Variants in EVC2 observed in about 807,000 individuals in gnomAD.
EVC2 encodes EvC ciliary complex subunit 2.
Under a neutral mutation model 149.3 loss-of-function variants are expected in EVC2, and 148 were observed. That is an observed-to-expected ratio of 0.99 (90% CI 0.87 to 1.14). EVC2 has a LOEUF of 1.14. EVC2 is among the 50% of genes most tolerant of loss of function. The pLI, the probability that EVC2 is intolerant of heterozygous loss-of-function variation, is 0.00. For synonymous variants in EVC2, 776 were observed against 649.9 expected, an observed-to-expected ratio of 1.19 and a Z score of -2.95; for missense variants, 1,854 against 1,627.3, an observed-to-expected ratio of 1.14 and a Z score of -2.40.
chr4:5,607,087 T>C (rs975354960), intron 16 of EVC2, among the ~76,000 whole-genome samples: 2 of 152,142 alleles, frequency 1.3e-5, no homozygotes, highest in Non-Finnish European at 2.9e-5. Flanking sequence ...CAAACCTATA[T>C]TGTGTCTGGG....
chr4:5,627,977 T>C (rs1224586777), intron 12 of EVC2, among the ~76,000 whole-genome samples: 5 of 152,058 alleles, frequency 3.3e-5, no homozygotes, highest in African/African-American at 9.7e-5. Flanking sequence ...TGGCCATGAG[T>C]GGGGCTCATT....
At chr4:5,595,106 C>T (rs924961756) in intron 16 of EVC2, among the ~76,000 whole-genome samples, 31 of 152,266 alleles carry the variant, frequency 2.0e-4, no homozygotes, top group Admixed American at 1.1e-3. Flanking sequence ...TGTACGTGAA[C>T]ATGACGGGGA....
chr4:5,707,095 AG>A (rs1192140492), intron 1 of EVC2, among the ~76,000 whole-genome samples: 4 of 152,094 alleles, frequency 2.6e-5, no homozygotes, highest in African/African-American at 9.7e-5. Flanking sequence ...CTCGGGGGCC[AG>A]AGAGAGAGTA....
At chr4:5,534,752 G>C in the EVC2 span, among the ~76,000 whole-genome samples, 3 of 146,108 alleles carry the variant, frequency 2.1e-5, no homozygotes, top group South Asian at 2.2e-4. Flanking sequence ...CGGTGGAAGA[G>C]TTCTGATACC....
At chr4:5,537,753 G>T in the EVC2 span, among the ~76,000 whole-genome samples, 2 of 152,072 alleles carry the variant, frequency 1.3e-5, no homozygotes. Flanking sequence ...ACTCAGTCCG[G>T]AACTGACATT....
At chr4:5,660,784 G>C (rs894044352) in intron 9 of EVC2, among the ~76,000 whole-genome samples, 1 of 152,162 alleles carries the variant, frequency 6.6e-6, no homozygotes, top group Non-Finnish European at 1.5e-5. Flanking sequence ...TAGGCTCAGA[G>C]AATGTCTGTA....
intron 21 of EVC2, among the ~76,000 whole-genome samples, chr4:5,551,349 T>C (rs577968211): frequency 2.0e-5 from 3 of 152,316 alleles, no homozygotes; most frequent in African/African-American, 7.2e-5. Flanking sequence ...ATGACCTGGA[T>C]GTGAGACATG....
intron 5 of EVC2, among the ~76,000 whole-genome samples, chr4:5,687,254 T>A (rs1362197183): frequency 2.0e-5 from 3 of 150,950 alleles, no homozygotes; most frequent in African/African-American, 7.3e-5. Context: ...TGAAACTCCA[T>A]CTCAAAAAAA....
At chr4:5,632,525 A>G (rs1716623035) in intron 10 of EVC2, among the ~76,000 whole-genome samples, 1 of 152,236 alleles carries the variant, frequency 6.6e-6, no homozygotes, top group South Asian at 2.1e-4. Flanking sequence ...GCTAGAAAAT[A>G]GCCTGCAAAA....
rs1392018031 is a variant in EVC2, at chr4:5,592,937, G to A, written c.2830-8087C>T. On this transcript the variant is annotated intron_variant, in intron 16 of 21. Transcript: ENST00000344408. ...CTCATAATCCCCACCTGTCATAGGA[G>A]GTAACTGAATCATGGGGGTGATTAC... Among the ~76,000 whole-genome samples, 3 of 152,154 alleles carry A rather than the reference G, an allele frequency of 2.0e-5. No homozygotes were observed. The East Asian group carries it at 5.8e-4, about 29-fold the overall frequency.
intron 5 of EVC2, 47 bp downstream of exon 5, chr4:5,689,110 A>G (rs544070305): frequency 2.5e-6 from 4 of 1,601,426 alleles, no homozygotes; most frequent in African/African-American, 2.7e-5. Flanking sequence ...AAGTATCTGT[A>G]CATATTCTCA....
intron 7 of EVC2, among the ~76,000 whole-genome samples, chr4:5,669,569 A>C (rs1257597905): frequency 3.3e-5 from 5 of 152,180 alleles, no homozygotes; most frequent in Non-Finnish European, 7.4e-5. Context: ...GGGCAGCATC[A>C]CTCTACCGTA....
chr4:5,556,179 C>CA lies in EVC2; in HGVS notation c.3419+9078dup, dbSNP rs61024761. 2.3e-3 allele frequency among the ~76,000 whole-genome samples: 149 copies of CA among 65,038 alleles called. 16 individuals carry two copies. Among genetic ancestry groups the CA allele is most frequent in the African/African-American group, 9.5e-3 (134 of 14,046 alleles). The allele number at this position is 65,038 out of a possible 152,430, so 42.7% of individuals were successfully genotyped here. A position where few individuals can be genotyped will look rare whatever the true frequency, so the allele number is the denominator to read the frequency against. On this transcript the variant is annotated intron_variant and NMD_transcript_variant, in intron 21 of 22. Coordinates refer to the EVC2 transcript ENST00000475313. Reference sequence around the variant, plus strand: ...CAGGTGACAGTGTGAGACTCCGTCTCAAAAAAAAAAAAAAAAAAAAAAAAA... The same window carrying CA: ...CAGGTGACAGTGTGAGACTCCGTCTCAAAAAAAAAAAAAAAAAAAAAAAAAA...
At chr4:5,598,468 A>T (rs1380132100) in intron 16 of EVC2, among the ~76,000 whole-genome samples, 1 of 152,190 alleles carries the variant, frequency 6.6e-6, no homozygotes, top group Non-Finnish European at 1.5e-5. Context: ...AGCAATGGGG[A>T]AAGGATTCCC....
chr4:5,663,807 G>C (rs112177532), intron 8 of EVC2, among the ~76,000 whole-genome samples: 21,211 of 152,102 alleles, frequency 0.14, 1,546 homozygotes, highest in Non-Finnish European at 0.15. Flanking sequence ...TGTAATCCCA[G>C]CTACTCAGGA....
At chr4:5,599,235 G>T (rs1236377105) in intron 16 of EVC2, among the ~76,000 whole-genome samples, 8 of 150,334 alleles carry the variant, frequency 5.3e-5, no homozygotes, top group Non-Finnish European at 8.9e-5. Flanking sequence ...ATACCCAAAG[G>T]TCTATAAATC....
the EVC2 span, among the ~76,000 whole-genome samples, chr4:5,534,297 A>G: frequency 6.6e-6 from 1 of 152,192 alleles, no homozygotes; most frequent in African/African-American, 2.4e-5. Context: ...TCACTGCCAC[A>G]TCCCCGATTC....
chr4:5,630,613 AG>A (rs1716461857), intron 11 of EVC2, among the ~76,000 whole-genome samples: 1 of 152,198 alleles, frequency 6.6e-6, no homozygotes, highest in Non-Finnish European at 1.5e-5. Context: ...CCACTACATC[AG>A]AAAAAGCACT....
At position 5,640,403 on chromosome 4, in the gene EVC2, T is replaced by G; in HGVS notation, c.1470+111A>C. The G allele has an allele frequency of 7.9e-7, 1 of 1,260,130 alleles. No individual in the cohort carries two copies. Among genetic ancestry groups the G allele is most frequent in the Non-Finnish European group, 1.2e-6 (1 of 860,382 alleles). The allele number at this position is 1,260,130 out of a possible 1,614,324, so 78.1% of individuals were successfully genotyped here. A position where few individuals can be genotyped will look rare whatever the true frequency, so the allele number is the denominator to read the frequency against. On this transcript the variant is annotated intron_variant, in intron 10 of 21. Coordinates refer to ENST00000344408, the MANE Select transcript of EVC2 (RefSeq NM_147127.5). The surrounding 1 kb of genome is among the most constrained non-coding windows in gnomAD (Gnocchi z 4.6). The stretch of plus-strand genomic sequence containing the variant: ...ATGAATGAGTGGGTGGTTGGATGGA[T>G]GATGGGTAGACGGATGGAGGAGGCA...
Sources: allele counts gnomAD v4.1 joint callset (sites outside exome capture counted in the v4.1 genomes callset), GRCh38; gene constraint gnomAD v4.1.1; non-coding constraint Gnocchi (gnomAD v3.1); transcripts MANE v1.5; gene names NCBI Gene and HGNC (gene_info 2026-07-23, HGNC 2026-07-21).